The following OTUD7A variants were observed in gnomAD, a reference collection of about 807,000 sequenced individuals.
OTUD7A encodes OTU domain-containing protein 7A.
A neutral mutation model predicts 65.7 loss-of-function variants in OTUD7A; 12 were observed. That is an observed-to-expected ratio of 0.18 (90% CI 0.12 to 0.30). OTUD7A has a LOEUF of 0.30. Among genes scored for constraint, OTUD7A ranks in the 10% least tolerant of loss-of-function variants. The pLI, the probability that OTUD7A is intolerant of heterozygous loss-of-function variation, is 1.00. For synonymous variants in OTUD7A, 641 were observed against 586.3 expected (o/e 1.09, Z -1.35); for missense variants, 1,148 against 1,304.8 (o/e 0.88, Z 1.85).
intron 3 of OTUD7A, among the ~76,000 whole-genome samples, chr15:31,636,984 T>C (rs1891361615): frequency 6.6e-6 from 1 of 152,290 alleles, no homozygotes; most frequent in Middle Eastern, 3.4e-3. Flanking sequence ...CATAAAAGTT[T>C]CATGTTATTG....
intron 1 of OTUD7A, among the ~76,000 whole-genome samples, chr15:31,804,857 T>C (rs1261394434): frequency 4.6e-5 from 7 of 152,236 alleles, no homozygotes. Flanking sequence ...TTGGTTTAAG[T>C]GCCACTGAGC....
chr15:31,738,462 G>A (rs1894252214), intron 1 of OTUD7A, among the ~76,000 whole-genome samples: 1 of 152,180 alleles, frequency 6.6e-6, no homozygotes, highest in African/African-American at 2.4e-5. Context: ...CAGGGAGGGA[G>A]ATCAGTTGCC....
chr15:31,635,905 C>T (rs1891325721), intron 3 of OTUD7A, among the ~76,000 whole-genome samples: 1 of 152,236 alleles, frequency 6.6e-6, no homozygotes, highest in Non-Finnish European at 1.5e-5. Context: ...CCCCCACTTG[C>T]CAGCTGGTCT....
rs1338453907 is a variant in OTUD7A, at chr15:31,498,989, G to A, written c.1171+2701C>T. Among the ~76,000 whole-genome samples, 1 of 152,144 alleles carries A rather than the reference G, an allele frequency of 6.6e-6. No individual in the cohort carries two copies. The highest frequency in any genetic ancestry group is 1.9e-4 in the East Asian group (1 of 5,174). On this transcript the variant is annotated intron_variant, in intron 10 of 12. Coordinates refer to ENST00000307050, the MANE Select transcript of OTUD7A (RefSeq NM_001382637.1). This position sits in a 1 kb window ranked among gnomAD's most constrained non-coding sequence, Gnocchi z 4.2. ...CAGTGGCGGCATCAGCAGTAGCCGG[G>A]CCACGGCAGTAGCACCTATAAGAGG... is the stretch of plus-strand genomic sequence containing the variant.
At chr15:31,488,089 C>T (rs918087992) in intron 10 of OTUD7A, among the ~76,000 whole-genome samples, 1 of 152,216 alleles carries the variant, frequency 6.6e-6, no homozygotes, top group Non-Finnish European at 1.5e-5. Context: ...GGAAGCTCAC[C>T]TGTGCTGGGG....
chr15:31,695,003 G>A (rs527607571), intron 1 of OTUD7A, among the ~76,000 whole-genome samples: 8 of 152,038 alleles, frequency 5.3e-5, no homozygotes, highest in African/African-American at 1.4e-4. Context: ...CCACCACCAC[G>A]CCTGGCTAAT....
At chr15:31,583,849 C>T (rs910772018) in intron 3 of OTUD7A, among the ~76,000 whole-genome samples, 26 of 152,094 alleles carry the variant, frequency 1.7e-4, no homozygotes, top group African/African-American at 5.6e-4. Context: ...TAGTTAGCAA[C>T]GCTTCTCTGA....
At chr15:31,833,925 G>T (rs970113550) in intron 1 of OTUD7A, among the ~76,000 whole-genome samples, 1 of 152,182 alleles carries the variant, frequency 6.6e-6, no homozygotes, top group African/African-American at 2.4e-5. Flanking sequence ...TTTTTGGGGG[G>T]TCCTCCCCTA....
intron 1 of OTUD7A, among the ~76,000 whole-genome samples, chr15:31,737,797 A>G (rs1294102702): frequency 1.3e-5 from 2 of 152,250 alleles, no homozygotes; most frequent in Non-Finnish European, 2.9e-5. Flanking sequence ...GAAAGAAATT[A>G]GACTGGATTT....
rs139246102 is a variant in OTUD7A at position 31,809,868 on chromosome 15, TACA to T, written c.-100+60636_-100+60638del. On this transcript the variant is annotated intron_variant, in intron 1 of 12. Coordinates refer to ENST00000307050, the MANE Select transcript of OTUD7A (RefSeq NM_001382637.1). ...ACATCAGTGATTCAGTGATAACAGC[TACA>T]ACAATTCATTTCCTGTGTATAACTA... Among the ~76,000 whole-genome samples, 499 of 152,374 alleles carry T rather than the reference TACA, an allele frequency of 3.3e-3. 3 individuals are homozygous for T. The highest frequency in any genetic ancestry group is 0.012 in the African/African-American group (483 of 41,580).
chr15:31,861,725 CAAGGGATT>C (rs199765717), intron 1 of OTUD7A, among the ~76,000 whole-genome samples: 2,064 of 152,268 alleles, frequency 0.014, 49 homozygotes, highest in African/African-American at 0.047. Context: ...GACATATTTC[CAAGGGATT>C]AAGTACAGCC....
intron 3 of OTUD7A, among the ~76,000 whole-genome samples, chr15:31,649,426 A>G: frequency 6.6e-6 from 1 of 152,164 alleles, no homozygotes; most frequent in Non-Finnish European, 1.5e-5. Flanking sequence ...TGAAATAAAT[A>G]AAAATACAAG....
chr15:31,714,521 C>T lies in OTUD7A; in HGVS notation c.-99-57444G>A, dbSNP rs116320955. Among the ~76,000 whole-genome samples, 5 of 152,232 alleles carry T rather than the reference C, an allele frequency of 3.3e-5. No homozygotes were observed. The East Asian group carries it at 5.8e-4, about 18-fold the overall frequency. ...ATTATTTAATAAAAAGGCATATTTACATTTTTTTATAATTCATGAAGTTGT... is the reference window on the plus strand; with the variant it reads ...ATTATTTAATAAAAAGGCATATTTATATTTTTTTATAATTCATGAAGTTGT... On this transcript the variant is annotated intron_variant, in intron 1 of 12. Transcript: ENST00000307050.
chr15:31,663,317 T>C (rs1410484891), intron 1 of OTUD7A, among the ~76,000 whole-genome samples: 1 of 151,358 alleles, frequency 6.6e-6, no homozygotes, highest in Non-Finnish European at 1.5e-5. Flanking sequence ...AGGATACATG[T>C]GCAGGATGTG....
chr15:31,808,586 T>G (rs2140957956), intron 1 of OTUD7A, among the ~76,000 whole-genome samples: 1 of 152,310 alleles, frequency 6.6e-6, no homozygotes, highest in Non-Finnish European at 1.5e-5. Flanking sequence ...TTTAGAAGTC[T>G]GAGTGTAAGA....
chr15:31,713,142 A>G (rs2654051), intron 1 of OTUD7A, among the ~76,000 whole-genome samples: 74 of 152,272 alleles, frequency 4.9e-4, no homozygotes, highest in East Asian at 9.7e-4. Flanking sequence ...GTCCATGGGA[A>G]AGCCATATGA....
intron 1 of OTUD7A, among the ~76,000 whole-genome samples, chr15:31,832,276 T>C (rs767188287): frequency 2.6e-5 from 4 of 152,152 alleles, no homozygotes; most frequent in African/African-American, 4.8e-5. Context: ...GTTCTTGGCA[T>C]GGCAACCTGA....
chr15:31,696,522 C>T lies in OTUD7A; in HGVS notation c.-99-39445G>A, dbSNP rs1365428953. On this transcript the variant is annotated intron_variant, in intron 1 of 12. Coordinates refer to ENST00000307050, the MANE Select transcript of OTUD7A (RefSeq NM_001382637.1). ...CCATGGACTGTGCCTGCTCCACTTC[C>T]TCCCACACCTGCCTGCATCCCTCAC... 6.3e-5 allele frequency among the ~76,000 whole-genome samples: 8 copies of T among 127,240 alleles called. No homozygotes were observed. In the East Asian group the frequency reaches 1.9e-3, roughly 30 times the overall value. The allele number at this position is 127,240 out of a possible 152,430, so 83.5% of individuals were successfully genotyped here. A position where few individuals can be genotyped will look rare whatever the true frequency, so the allele number is the denominator to read the frequency against.
At chr15:31,794,085 T>C (rs1457871635) in intron 1 of OTUD7A, among the ~76,000 whole-genome samples, 1 of 152,280 alleles carries the variant, frequency 6.6e-6, no homozygotes, top group Non-Finnish European at 1.5e-5. Flanking sequence ...TTTAAACCTC[T>C]ATTTTTAACC....
Sources: allele counts gnomAD v4.1 joint callset (sites outside exome capture counted in the v4.1 genomes callset), GRCh38; gene constraint gnomAD v4.1.1; non-coding constraint Gnocchi (gnomAD v3.1); transcripts MANE v1.5; gene names NCBI Gene and HGNC (gene_info 2026-07-23, HGNC 2026-07-21).